TMEM63A: variants seen among roughly 807,000 people sequenced by gnomAD.
The protein encoded by TMEM63A is mechanosensitive cation channel TMEM63A.
A neutral mutation model predicts 100.6 loss-of-function variants in TMEM63A; 76 were observed. The ratio of observed to expected loss-of-function variants is 0.76; its 90% confidence interval spans 0.63 to 0.91. The LOEUF is 0.91. Ranked by LOEUF, TMEM63A falls within the 40% of genes least tolerant of loss-of-function variation. The probability of loss-of-function intolerance (pLI) is 0.00; values close to 1 mark genes in which losing one functional copy is unlikely to be tolerated. For synonymous variants in TMEM63A, 401 were observed against 401.1 expected, an observed-to-expected ratio of 1.00 and a Z score of 0.00; for missense variants, 876 against 1,008.8, an observed-to-expected ratio of 0.87 and a Z score of 1.78.
chr1:225,874,471 T>G, intron 3 of TMEM63A, 104 bp from the exon 4 acceptor site: 1 of 968,370 alleles, frequency 1.0e-6, no homozygotes, highest in Non-Finnish European at 1.5e-6. Context: ...TCAGCAGGGC[T>G]AGAAGGAAAA....
intron 4 of TMEM63A, among the ~76,000 whole-genome samples, chr1:225,873,586 G>A (rs970324956): frequency 6.6e-6 from 1 of 152,200 alleles, no homozygotes; most frequent in Non-Finnish European, 1.5e-5. Context: ...TGGAACGTCA[G>A]GTTGTGCAGA....
chr1:225,869,666 CTTTTT>C (rs10638876), intron 6 of TMEM63A, among the ~76,000 whole-genome samples: 3 of 109,914 alleles, frequency 2.7e-5, no homozygotes, highest in African/African-American at 1.1e-4. Context: ...CTTTTCTTTT[CTTTTT>C]TTTTTTTTTT....
chr1:225,862,412 G>GATGCCA lies in TMEM63A; in HGVS notation c.951+37_951+42dup. 1 of 1,613,750 alleles carries GATGCCA rather than the reference G, an allele frequency of 6.2e-7. No homozygotes were observed. Among genetic ancestry groups the GATGCCA allele is most frequent in the African/African-American group, 1.3e-5 (1 of 75,036 alleles). ...CCCATGCTGGTATCTGGGGCACCCC[G>GATGCCA]ATGCCAATGCCTCTGCTCCCAGCCG... On this transcript the variant is annotated intron_variant, in intron 12 of 24. Coordinates refer to ENST00000366835, the MANE Select transcript of TMEM63A (RefSeq NM_014698.3). The surrounding 1 kb of genome is among the most constrained non-coding windows in gnomAD (Gnocchi z 5.1).
intron 6 of TMEM63A, among the ~76,000 whole-genome samples, chr1:225,869,560 G>A (rs887421850): frequency 4.6e-5 from 7 of 151,768 alleles, no homozygotes; most frequent in Non-Finnish European, 8.8e-5. Flanking sequence ...TTACAGTTGG[G>A]AAAACTGAGG....
chr1:225,842,975 G>A (rs1291768563), downstream of TMEM63A, among the ~76,000 whole-genome samples: 1 of 152,216 alleles, frequency 6.6e-6, no homozygotes, highest in Non-Finnish European at 1.5e-5. Context: ...GGTCAGCTCT[G>A]ACCCACCCTT....
intron 18 of TMEM63A, among the ~76,000 whole-genome samples, chr1:225,854,897 C>T (rs947593555): frequency 5.9e-5 from 9 of 152,218 alleles, no homozygotes; most frequent in Middle Eastern, 6.8e-3. Context: ...GAGGATGCTG[C>T]GAGATGAGAG....
chr1:225,848,155 C>A (rs1669116703), intron 23 of TMEM63A: 7 of 289,906 alleles, frequency 2.4e-5, no homozygotes, highest in Non-Finnish European at 4.5e-5. Context: ...TGATGACAAA[C>A]CTTTGTCAAA....
At chr1:225,878,885 TAC>T (rs55792328) in intron 2 of TMEM63A, among the ~76,000 whole-genome samples, 12,801 of 139,376 alleles carry the variant, frequency 0.092, 610 homozygotes, top group South Asian at 0.11. Context: ...CCTACCTACC[TAC>T]ACACACACAC....
rs1670543802 is a variant in TMEM63A at position 225,872,233 on chromosome 1, T to C, written c.267-180A>G. On this transcript the variant is annotated intron_variant, in intron 4 of 24. Transcript: ENST00000366835. ...CTGTGAAAGATAGAGACAAGGACAA[T>C]GACCATTCCCAGGCATGGTATAAAA... Among the ~76,000 whole-genome samples, 2 of 152,104 alleles carry C rather than the reference T, an allele frequency of 1.3e-5. 1 individual carries two copies. Among genetic ancestry groups the C allele is most frequent in the South Asian group, 4.1e-4 (2 of 4,836 alleles).
chr1:225,863,120 C>T (rs1178829666), intron 10 of TMEM63A: 1 of 437,664 alleles, frequency 2.3e-6, no homozygotes, highest in African/African-American at 2.0e-5. Context: ...GTGGCACAAT[C>T]ATGGCTCACT....
chr1:225,849,819 T>C, intron 21 of TMEM63A, 93 bp downstream of exon 21: 2 of 1,482,376 alleles, frequency 1.3e-6, no homozygotes, highest in Non-Finnish European at 9.2e-7. Context: ...GATGCCATGC[T>C]GATGCTGTGA....
chr1:225,857,431 C>CAGCA (rs1449233493), intron 15 of TMEM63A, among the ~76,000 whole-genome samples: 4 of 150,066 alleles, frequency 2.7e-5, no homozygotes, highest in African/African-American at 1.0e-4. Context: ...TGTCCAGCTG[C>CAGCA]AGCATATCAG....
Position 225,858,284 on chromosome 1 carries a change from T to C in TMEM63A, c.1377+912A>G, listed in dbSNP as rs141132362. Among the ~76,000 whole-genome samples the C allele has an allele frequency of 3.9e-5, 6 of 152,258 alleles. No individual in the cohort carries two copies. In the East Asian group the frequency reaches 9.6e-4, roughly 24 times the overall value. On this transcript the variant is annotated intron_variant, in intron 15 of 24. Transcript: ENST00000366835. The stretch of plus-strand genomic sequence containing the variant: ...TATCTCATTGATTCATCTAAGATTT[T>C]TGAAAATCGTTCATTACCTATACAG...
chr1:225,852,629 C>T, intron 20 of TMEM63A, 35 bp downstream of exon 20: 1 of 1,602,074 alleles, frequency 6.2e-7, no homozygotes, highest in South Asian at 1.1e-5. Context: ...GTCCATGTAC[C>T]CATGTACCCT....
At chr1:225,881,531 A>C (rs1209996642) in intron 1 of TMEM63A, among the ~76,000 whole-genome samples, 1 of 152,178 alleles carries the variant, frequency 6.6e-6, no homozygotes, top group Non-Finnish European at 1.5e-5. Context: ...TAAACAAAGG[A>C]GAGGGGCGTG....
At chr1:225,849,104 A>C (rs956827903) in intron 21 of TMEM63A, 92 bp from the exon 22 acceptor site, 3 of 985,156 alleles carry the variant, frequency 3.0e-6, no homozygotes, top group Non-Finnish European at 4.6e-6. Context: ...CCTGGTGTGG[A>C]AACTGCCCGT....
chr1:225,857,068 G>C, intron 15 of TMEM63A, 51 bp from the exon 16 acceptor site: 1 of 1,449,478 alleles, frequency 6.9e-7, no homozygotes, highest in Non-Finnish European at 9.2e-7. Context: ...TGGGCCACGC[G>C]GCTCTGAGGC....
chr1:225,859,518 A>G (rs574828342), intron 14 of TMEM63A, 169 bp from the exon 15 acceptor site: 1 of 780,440 alleles, frequency 1.3e-6, no homozygotes, highest in East Asian at 2.8e-5. Flanking sequence ...AAGAGCTCAG[A>G]GGGAACAATT....
At chr1:225,878,187 C>A (rs1670910505) in intron 2 of TMEM63A, among the ~76,000 whole-genome samples, 1 of 152,188 alleles carries the variant, frequency 6.6e-6, no homozygotes, top group African/African-American at 2.4e-5. Context: ...ACTTGGAAAC[C>A]AAGCCTCAGA....
Sources: allele counts gnomAD v4.1 joint callset (sites outside exome capture counted in the v4.1 genomes callset), GRCh38; gene constraint gnomAD v4.1.1; non-coding constraint Gnocchi (gnomAD v3.1); transcripts MANE v1.5; gene names NCBI Gene and HGNC (gene_info 2026-07-23, HGNC 2026-07-21).